Variants in RPH3A observed in about 807,000 individuals in gnomAD.
The protein encoded by RPH3A is rabphilin-3A.
Under a neutral mutation model 102.2 loss-of-function variants are expected in RPH3A, and 48 were observed. The observed-to-expected ratio is 0.47, with a 90% CI of 0.37 to 0.60. The LOEUF (loss-of-function observed/expected upper bound fraction) is 0.60, where lower values mean the gene tolerates loss of function less well. Among genes scored for constraint, RPH3A ranks in the 20% least tolerant of loss-of-function variants. The pLI, the probability that RPH3A is intolerant of heterozygous loss-of-function variation, is 0.00. For synonymous variants in RPH3A, 310 were observed against 324.3 expected (o/e 0.96, Z 0.47); for missense variants, 781 against 910.1 (o/e 0.86, Z 1.83).
intron 1 of RPH3A, among the ~76,000 whole-genome samples, chr12:112,678,232 CGAAAGAAAGAAAGAAAGAAAGAAAGAAA>C (rs757546615): frequency 0.021 from 1,574 of 74,732 alleles, 64 homozygotes; most frequent in Non-Finnish European, 0.028. Flanking sequence ...AAGACCCTGT[CGAAAGAAAGAAAGAAAGAAAGAAAGAAA>C]GAAAGAAAGA....
At chr12:112,624,674 G>A (rs1372686266) in intron 1 of RPH3A, among the ~76,000 whole-genome samples, 1 of 148,574 alleles carries the variant, frequency 6.7e-6, no homozygotes, top group African/African-American at 2.5e-5. Context: ...TCAATCAATA[G>A]AAAAAGAGGG....
At chr12:112,726,712 G>C (rs1281372359) in intron 1 of RPH3A, among the ~76,000 whole-genome samples, 1 of 152,082 alleles carries the variant, frequency 6.6e-6, no homozygotes, top group Admixed American at 6.5e-5. Flanking sequence ...ATTTTAGTTT[G>C]CATCTCTAAA....
chr12:112,794,789 AC>A (rs1230068718), intron 2 of RPH3A, among the ~76,000 whole-genome samples: 2 of 152,048 alleles, frequency 1.3e-5, no homozygotes, highest in East Asian at 3.9e-4. Context: ...CAACATATAA[AC>A]CCACCATTAT....
intron 1 of RPH3A, among the ~76,000 whole-genome samples, chr12:112,589,704 C>G (rs1004646259): frequency 6.6e-6 from 1 of 152,198 alleles, no homozygotes; most frequent in South Asian, 2.1e-4. Context: ...TCTCCCCTGC[C>G]CCTGCACCAT....
At chr12:112,843,786 C>A (rs898290457) in intron 4 of RPH3A, among the ~76,000 whole-genome samples, 1 of 152,082 alleles carries the variant, frequency 6.6e-6, no homozygotes, top group Non-Finnish European at 1.5e-5. Context: ...AGAGACGTGG[C>A]GGCAAATAAG....
chr12:112,751,372 T>A (rs1220857357), intron 1 of RPH3A, among the ~76,000 whole-genome samples: 1 of 152,202 alleles, frequency 6.6e-6, no homozygotes, highest in Non-Finnish European at 1.5e-5. Context: ...TTGGTTCTGC[T>A]GGTTTGTAGT....
intron 1 of RPH3A, among the ~76,000 whole-genome samples, chr12:112,689,838 T>A (rs1202422518): frequency 6.6e-6 from 1 of 152,158 alleles, no homozygotes; most frequent in Non-Finnish European, 1.5e-5. Flanking sequence ...CTACAACAGA[T>A]CTGTAAAAGC....
chr12:112,687,965 C>G (rs2040279027), intron 1 of RPH3A, among the ~76,000 whole-genome samples: 1 of 152,192 alleles, frequency 6.6e-6, no homozygotes, highest in Non-Finnish European at 1.5e-5. Flanking sequence ...ATGCTGTGGT[C>G]TACCCCCAAG....
intron 1 of RPH3A, among the ~76,000 whole-genome samples, chr12:112,715,088 A>G (rs1282493929): frequency 6.6e-6 from 1 of 152,184 alleles, no homozygotes; most frequent in African/African-American, 2.4e-5. Flanking sequence ...TATTTATATT[A>G]ACATCATTTT....
chr12:112,649,042 C>G (rs2039955510), intron 1 of RPH3A, among the ~76,000 whole-genome samples: 1 of 152,234 alleles, frequency 6.6e-6, no homozygotes, highest in Non-Finnish European at 1.5e-5. Context: ...TGGTCTCAAA[C>G]TCCTGGCCTC....
At chr12:112,851,451 A>G (rs1049486685) in intron 5 of RPH3A, among the ~76,000 whole-genome samples, 5 of 152,152 alleles carry the variant, frequency 3.3e-5, no homozygotes, top group Admixed American at 2.0e-4. Context: ...TGCTGGCCCA[A>G]TTATTATTTT....
intron 2 of RPH3A, among the ~76,000 whole-genome samples, chr12:112,809,079 T>A (rs1184524370): frequency 6.6e-6 from 1 of 152,214 alleles, no homozygotes; most frequent in African/African-American, 2.4e-5. Flanking sequence ...GTTCACCACC[T>A]GCCTGACTTC....
At chr12:112,826,515 T>C (rs2041876407) in intron 2 of RPH3A, among the ~76,000 whole-genome samples, 1 of 152,178 alleles carries the variant, frequency 6.6e-6, no homozygotes, top group African/African-American at 2.4e-5. Context: ...TGTATATACC[T>C]GGTTAGTGGC....
At chr12:112,696,045 C>T (rs1261956535) in intron 1 of RPH3A, among the ~76,000 whole-genome samples, 1 of 152,176 alleles carries the variant, frequency 6.6e-6, no homozygotes, top group African/African-American at 2.4e-5. Context: ...GACTTTGCAT[C>T]CTCATAGCTT....
At chr12:112,832,907 C>CA (rs1336398087) in intron 3 of RPH3A, among the ~76,000 whole-genome samples, 5 of 149,386 alleles carry the variant, frequency 3.3e-5, no homozygotes, top group Non-Finnish European at 7.4e-5. Context: ...GATAAATACT[C>CA]AAAGTTAAAC....
chr12:112,756,606 C>CA (rs1267465522), intron 1 of RPH3A, among the ~76,000 whole-genome samples: 26 of 152,046 alleles, frequency 1.7e-4, no homozygotes, highest in Non-Finnish European at 5.9e-5. Context: ...ATAATAAAAG[C>CA]AAAAAACTCT....
intron 1 of RPH3A, among the ~76,000 whole-genome samples, chr12:112,665,044 G>A (rs1317435299): frequency 1.3e-4 from 20 of 152,106 alleles, no homozygotes; most frequent in Non-Finnish European, 1.5e-5. Context: ...AGGCTCCCCA[G>A]CAAGGTTAAG....
At chr12:112,768,713 G>A (rs2040908074) in intron 1 of RPH3A, among the ~76,000 whole-genome samples, 1 of 152,182 alleles carries the variant, frequency 6.6e-6, no homozygotes, top group Non-Finnish European at 1.5e-5. Flanking sequence ...AGGAGTTGGA[G>A]TCCAGCCTGG....
intron 17 of RPH3A, among the ~76,000 whole-genome samples, chr12:112,888,613 A>G (rs1204118227): frequency 1.3e-5 from 2 of 152,240 alleles, no homozygotes; most frequent in East Asian, 3.8e-4. Context: ...ATACTGTAGT[A>G]CTAACCTCAT....
Sources: allele counts gnomAD v4.1 joint callset (sites outside exome capture counted in the v4.1 genomes callset), GRCh38; gene constraint gnomAD v4.1.1; transcripts MANE v1.5; gene names NCBI Gene and HGNC (gene_info 2026-07-23, HGNC 2026-07-21).